Variants in PPARGC1A observed in about 807,000 individuals in gnomAD.
PPARGC1A encodes the protein PPARG coactivator 1 alpha.
Under a neutral mutation model 88.7 loss-of-function variants are expected in PPARGC1A, and 25 were observed. That is an observed-to-expected ratio of 0.28 (90% confidence interval 0.21 to 0.39). The LOEUF (loss-of-function observed/expected upper bound fraction) is 0.39. Ranked by LOEUF, PPARGC1A falls within the 10% of genes least tolerant of loss-of-function variation. PPARGC1A has a pLI of 1.00. For synonymous variants in PPARGC1A, 363 were observed against 355.6 expected (o/e 1.02, Z -0.24); for missense variants, 880 against 968.7 (o/e 0.91, Z 1.22).
the PPARGC1A span, among the ~76,000 whole-genome samples, chr4:24,218,808 C>A: frequency 1.3e-5 from 2 of 152,208 alleles, no homozygotes; most frequent in Non-Finnish European, 2.9e-5. Flanking sequence ...AGTGCTCAAG[C>A]AGCAATCATG....
Position 23,801,857 on chromosome 4 carries a change from G to A in PPARGC1A, c.2166C>T (p.Tyr722=), listed in dbSNP as rs1718816455. The change falls in exon 12 of 13, where the codon TAC becomes TAT. Residue 722 remains tyrosine, a synonymous_variant. Transcript: ENST00000264867. ...CAGCAAAAGCATCACAGGTATAACG[G>A]TAGGTAATGAAACCATAGCTGTCTC... ...DDGDSYGFIT[Y]RYTCDAFAAL... is the part of the protein sequence containing the mutation. 1 of 1,613,990 alleles carries A rather than the reference G, an allele frequency of 6.2e-7. No individual in the cohort carries two copies. Among genetic ancestry groups the A allele is most frequent in the South Asian group, 1.1e-5 (1 of 91,084 alleles).
the PPARGC1A span, among the ~76,000 whole-genome samples, chr4:23,934,209 G>A: frequency 6.6e-6 from 1 of 152,164 alleles, no homozygotes; most frequent in South Asian, 2.1e-4. Flanking sequence ...GCTATGAGGA[G>A]CACTAACCTA....
chr4:24,450,307 T>C, the PPARGC1A span, among the ~76,000 whole-genome samples: 7 of 152,234 alleles, frequency 4.6e-5, no homozygotes, highest in Non-Finnish European at 1.0e-4. Flanking sequence ...TGTCCTAAGC[T>C]TTGTCTTGTA....
chr4:23,910,248 T>TATATATTATATATAATATATATAA, the PPARGC1A span, among the ~76,000 whole-genome samples: 67 of 103,528 alleles, frequency 6.5e-4, no homozygotes, highest in Non-Finnish European at 1.1e-3. Flanking sequence ...TATATATAAA[T>TATATATTATATATAATATATATAA]ATATATTATA....
intron 2 of PPARGC1A, among the ~76,000 whole-genome samples, chr4:23,846,018 G>A (rs932384420): frequency 2.6e-5 from 4 of 152,108 alleles, no homozygotes; most frequent in African/African-American, 7.2e-5. Context: ...TATGACATTG[G>A]GTTAGACAAA....
intron 2 of PPARGC1A, among the ~76,000 whole-genome samples, chr4:23,871,854 G>A (rs1273371834): frequency 6.6e-6 from 1 of 152,166 alleles, no homozygotes; most frequent in Admixed American, 6.5e-5. Flanking sequence ...AAGAACTGTG[G>A]AGAAGAGGAT....
At chr4:24,268,087 TA>T in the PPARGC1A span, among the ~76,000 whole-genome samples, 1 of 152,238 alleles carries the variant, frequency 6.6e-6, no homozygotes, top group Admixed American at 6.5e-5. Flanking sequence ...TTTGATTCAT[TA>T]AAATATAAAG....
the PPARGC1A span, among the ~76,000 whole-genome samples, chr4:24,077,060 A>C: frequency 1.3e-5 from 2 of 151,990 alleles, no homozygotes; most frequent in Non-Finnish European, 2.9e-5. Flanking sequence ...AGTTTTTCTC[A>C]ATATATACCA....
At chr4:24,361,702 G>A in the PPARGC1A span, among the ~76,000 whole-genome samples, 2 of 152,198 alleles carry the variant, frequency 1.3e-5, no homozygotes, top group African/African-American at 2.4e-5. Flanking sequence ...TCCAGGTGAA[G>A]ACCAGAGAAA....
chr4:23,858,288 T>A (rs1483527247), intron 2 of PPARGC1A, among the ~76,000 whole-genome samples: 2 of 152,184 alleles, frequency 1.3e-5, no homozygotes, highest in Non-Finnish European at 2.9e-5. Context: ...GGGCAGGATT[T>A]TTTTTACTCC....
At chr4:24,341,096 G>C in the PPARGC1A span, among the ~76,000 whole-genome samples, 2 of 151,752 alleles carry the variant, frequency 1.3e-5, no homozygotes, top group African/African-American at 2.4e-5. Context: ...AAAATCTCAA[G>C]AAAATATAAC....
At chr4:23,865,574 G>A (rs1161322835) in intron 2 of PPARGC1A, among the ~76,000 whole-genome samples, 1 of 152,072 alleles carries the variant, frequency 6.6e-6, no homozygotes, top group Non-Finnish European at 1.5e-5. Context: ...ATTTCCTTGG[G>A]TGGCATTCTA....
At chr4:23,920,448 T>C in the PPARGC1A span, among the ~76,000 whole-genome samples, 1 of 152,192 alleles carries the variant, frequency 6.6e-6, no homozygotes, top group South Asian at 2.1e-4. Context: ...CAATTTGTCA[T>C]CCATTACCAC....
At chr4:24,397,700 G>A in the PPARGC1A span, among the ~76,000 whole-genome samples, 1 of 152,210 alleles carries the variant, frequency 6.6e-6, no homozygotes, top group Non-Finnish European at 1.5e-5. Context: ...AAGGTAGAAA[G>A]ATCTGCACCT....
At chr4:24,357,343 T>G in the PPARGC1A span, among the ~76,000 whole-genome samples, 1 of 152,200 alleles carries the variant, frequency 6.6e-6, no homozygotes, top group Non-Finnish European at 1.5e-5. Context: ...CAAACCCAGG[T>G]TGGCTAATGC....
chr4:24,138,322 C>T, the PPARGC1A span, among the ~76,000 whole-genome samples: 1 of 152,200 alleles, frequency 6.6e-6, no homozygotes, highest in Non-Finnish European at 1.5e-5. Flanking sequence ...TAAGTCAGGT[C>T]TCTCTCAACC....
the PPARGC1A span, among the ~76,000 whole-genome samples, chr4:24,344,858 G>A: frequency 3.9e-5 from 6 of 152,068 alleles, no homozygotes; most frequent in African/African-American, 1.4e-4. Context: ...TTTTTCCAAG[G>A]TTGTCTTCTA....
At chr4:24,263,456 T>TACACAC in the PPARGC1A span, among the ~76,000 whole-genome samples, 4,541 of 150,134 alleles carry the variant, frequency 0.03, 184 homozygotes, top group African/African-American at 0.085. Flanking sequence ...TGTGGGTGTA[T>TACACAC]ACACACACAC....
chr4:23,993,486 T>C, the PPARGC1A span, among the ~76,000 whole-genome samples: 1 of 152,192 alleles, frequency 6.6e-6, no homozygotes, highest in Non-Finnish European at 1.5e-5. Context: ...AACAAATTCA[T>C]ATTTTCAATA....
Sources: allele counts gnomAD v4.1 joint callset (sites outside exome capture counted in the v4.1 genomes callset), GRCh38; gene constraint gnomAD v4.1.1; transcripts MANE v1.5; gene names NCBI Gene and HGNC (gene_info 2026-07-23, HGNC 2026-07-21).